Variants in SCN11A observed in about 807,000 individuals in gnomAD.
SCN11A encodes the protein sodium channel protein type 11 subunit alpha.
Under a neutral mutation model 162.2 loss-of-function variants are expected in SCN11A, and 122 were observed. That is an observed-to-expected ratio of 0.75 (90% CI 0.65 to 0.87). The LOEUF (loss-of-function observed/expected upper bound fraction) is 0.87. SCN11A is among the 40% of genes least tolerant of loss of function. The pLI, the probability that SCN11A is intolerant of heterozygous loss-of-function variation, is 0.00. For missense variants in SCN11A, 2,015 were observed against 2,181.6 expected (o/e 0.92, Z 1.52); for synonymous variants, 758 against 751.5 (o/e 1.01, Z -0.14).
At chr3:38,901,268 A>C (rs1368602531) in intron 16 of SCN11A, among the ~76,000 whole-genome samples, 1 of 152,256 alleles carries the variant, frequency 6.6e-6, no homozygotes, top group Non-Finnish European at 1.5e-5. Context: ...CCAGGGTAGA[A>C]AAATAAAAAT....
intron 7 of SCN11A, among the ~76,000 whole-genome samples, chr3:38,935,483 G>A (rs1315814189): frequency 6.6e-6 from 1 of 152,052 alleles, no homozygotes. Flanking sequence ...TCCCTAGCAA[G>A]ACTAATAAAG....
chr3:38,894,535 G>A lies in SCN11A; in HGVS notation c.2833C>T (p.Gln945Ter), dbSNP rs1553636777. The A allele has an allele frequency of 6.3e-7, 1 of 1,598,540 alleles. No individual in the cohort carries two copies. Among genetic ancestry groups the A allele is most frequent in the South Asian group, 1.1e-5 (1 of 87,358 alleles). ...QRITQPEPEQ[Q>*]AYELHQENKK... ...AGTCTATGTGTGAACCTTCATACCTGTTGTTCAGGCTCAGGTTGTGTGATG... is the reference window on the plus strand; with the variant it reads ...AGTCTATGTGTGAACCTTCATACCTATTGTTCAGGCTCAGGTTGTGTGATG... The change falls in exon 19 of 30, where the codon CAG (glutamine) becomes TAG (stop). Residue 945 changes from glutamine to a stop codon, truncating the protein, a stop_gained and splice_region_variant. Coordinates refer to ENST00000302328, the MANE Select transcript of SCN11A (RefSeq NM_001349253.2). LOFTEE classifies it high-confidence loss of function.
At chr3:38,870,822 T>G (rs2065114183) in intron 25 of SCN11A, 78 bp from the exon 26 acceptor site, 1 of 1,233,006 alleles carries the variant, frequency 8.1e-7, no homozygotes, top group East Asian at 2.3e-5. Context: ...GAAAAGCAGG[T>G]GAGGCCCAGT....
rs2066150857 is a variant in SCN11A at position 38,926,878 on chromosome 3, C to CT, written c.541dup (p.Arg181LysfsTer7). 7 of 1,613,470 alleles carry CT rather than the reference C, an allele frequency of 4.3e-6. No individual in the cohort carries two copies. The highest frequency in any genetic ancestry group is 5.9e-6 in the Non-Finnish European group (7 of 1,179,348). On this transcript the variant is annotated frameshift_variant, in exon 8 of 30. Coordinates refer to ENST00000302328, the MANE Select transcript of SCN11A (RefSeq NM_001349253.2). LOFTEE classifies it high-confidence loss of function. Reference sequence around the variant, plus strand: ...AGAAAACTCATCCAGAATGAAACCTCTTGCCAATATTTTAATCAAAGCTTC... The same window carrying CT: ...AGAAAACTCATCCAGAATGAAACCTCTTTGCCAATATTTTAATCAAAGCTTC...
At chr3:39,002,211 T>G (rs531424602) in intron 2 of SCN11A, among the ~76,000 whole-genome samples, 2 of 152,344 alleles carry the variant, frequency 1.3e-5, no homozygotes, top group African/African-American at 4.8e-5. Flanking sequence ...CTGTAGTTTA[T>G]AATAACTTTT....
At chr3:38,956,952 T>C (rs2066689316) in intron 3 of SCN11A, among the ~76,000 whole-genome samples, 2 of 152,076 alleles carry the variant, frequency 1.3e-5, no homozygotes, top group Admixed American at 6.6e-5. Context: ...AAATTTTAAA[T>C]ACAGATAACA....
chr3:38,895,283 T>G (rs771323388), intron 18 of SCN11A, among the ~76,000 whole-genome samples: 56 of 152,174 alleles, frequency 3.7e-4, no homozygotes, highest in Non-Finnish European at 7.4e-4. Context: ...TGAGAGTACA[T>G]TTCTTGAGGA....
intron 6 of SCN11A, 70 bp from the exon 7 acceptor site, chr3:38,945,582 G>C (rs2066504785): frequency 9.3e-7 from 1 of 1,077,456 alleles, no homozygotes; most frequent in African/African-American, 1.6e-5. Context: ...GTAAGACTGG[G>C]GGTGCCCCTG....
At chr3:38,925,017 T>A (rs1352072692) in intron 9 of SCN11A, among the ~76,000 whole-genome samples, 18 of 152,104 alleles carry the variant, frequency 1.2e-4, no homozygotes, top group Admixed American at 1.2e-3. Context: ...GATCACTCTG[T>A]TTAAAACTGC....
intron 19 of SCN11A, among the ~76,000 whole-genome samples, chr3:38,893,676 C>T (rs2065538116): frequency 6.6e-6 from 1 of 152,022 alleles, no homozygotes; most frequent in African/African-American, 2.4e-5. Context: ...GTTCTCTGAT[C>T]ACAATGGAGT....
intron 7 of SCN11A, among the ~76,000 whole-genome samples, chr3:38,938,538 ATATATATATATATTTTTTTTTTTTTTTT>A (rs2066383453): frequency 8.3e-5 from 2 of 23,970 alleles, no homozygotes; most frequent in African/African-American, 3.6e-4. Flanking sequence ...ATATATATAT[ATATATATATATATTTTTTTTTTTTTTTT>A]TTTTTTTTTT....
chr3:38,928,112 A>T (rs1214771608), intron 7 of SCN11A, among the ~76,000 whole-genome samples: 4 of 152,226 alleles, frequency 2.6e-5, no homozygotes, highest in Non-Finnish European at 5.9e-5. Flanking sequence ...CTTGCAAAAA[A>T]TGAAGTTAGA....
At chr3:38,932,395 G>C (rs1181716135) in intron 7 of SCN11A, among the ~76,000 whole-genome samples, 1 of 152,208 alleles carries the variant, frequency 6.6e-6, no homozygotes, top group Non-Finnish European at 1.5e-5. Flanking sequence ...AGCGCACCGT[G>C]CATGAGCCGA....
At position 38,897,016 on chromosome 3, in the gene SCN11A, T is replaced by C. The variant is rs561044267; in HGVS notation, c.2232A>G (p.Ser744=). Residue 744 remains serine (S), a synonymous_variant, in exon 18 of 30, where the codon TCA becomes TCG. Coordinates refer to ENST00000302328, the MANE Select transcript of SCN11A (RefSeq NM_001349253.2). The part of the protein sequence containing the change: ...KLCNPTGPTV[S]CLRHWHMGDF... Reference sequence around the variant, plus strand: ...CCCCCATGTGCCAGTGCCGTAAACATGAGACTGTCGGGCCTGTCGGGTTAC... The same window carrying C: ...CCCCCATGTGCCAGTGCCGTAAACACGAGACTGTCGGGCCTGTCGGGTTAC... The C allele has an allele frequency of 6.2e-7, 1 of 1,614,112 alleles. No individual in the cohort carries two copies. The highest frequency in any genetic ancestry group is 2.2e-5 in the East Asian group (1 of 44,866).
intron 25 of SCN11A, 23 bp downstream of exon 25, chr3:38,871,421 GA>G (rs754694320): frequency 6.4e-7 from 1 of 1,552,518 alleles, no homozygotes; most frequent in African/African-American, 1.4e-5. Flanking sequence ...TCCTCAGAGT[GA>G]AAAACATACT....
intron 7 of SCN11A, among the ~76,000 whole-genome samples, chr3:38,927,565 A>G (rs1245480400): frequency 6.6e-6 from 1 of 152,252 alleles, no homozygotes; most frequent in Non-Finnish European, 1.5e-5. Flanking sequence ...TTTATTACAA[A>G]GCTACAGTAA....
At chr3:38,890,073 G>A (rs1474616152) in intron 19 of SCN11A, among the ~76,000 whole-genome samples, 3 of 151,936 alleles carry the variant, frequency 2.0e-5, no homozygotes, top group Admixed American at 2.0e-4. Flanking sequence ...TGGCCAAAAA[G>A]TTGGCTCCCT....
chr3:38,867,146 T>G (rs1460815115), intron 27 of SCN11A, among the ~76,000 whole-genome samples, 175 bp downstream of exon 27: 2 of 152,238 alleles, frequency 1.3e-5, no homozygotes, highest in Non-Finnish European at 2.9e-5. Flanking sequence ...TTTTCAGTCT[T>G]CTTTCAGCCT....
intron 23 of SCN11A, among the ~76,000 whole-genome samples, chr3:38,874,216 C>T (rs1186928933): frequency 2.0e-5 from 3 of 152,140 alleles, no homozygotes; most frequent in Admixed American, 6.6e-5. Context: ...TTCCTATATC[C>T]TTCTAAATAT....
Sources: allele counts gnomAD v4.1 joint callset (sites outside exome capture counted in the v4.1 genomes callset), GRCh38; gene constraint gnomAD v4.1.1; transcripts MANE v1.5; gene names NCBI Gene and HGNC (gene_info 2026-07-23, HGNC 2026-07-21).